The following CACNA1I variants were observed in gnomAD, a reference collection of about 807,000 sequenced individuals.
CACNA1I encodes the protein calcium voltage-gated channel subunit alpha1 I.
CACNA1I carries 74 observed loss-of-function variants against 201.6 expected under a neutral mutation model. The ratio of observed to expected loss-of-function variants is 0.37; its 90% CI spans 0.30 to 0.45. The LOEUF (loss-of-function observed/expected upper bound fraction) is 0.45. CACNA1I is among the 20% of genes least tolerant of loss of function. The pLI is 1.00. For missense variants in CACNA1I, 2,346 were observed against 3,138.1 expected (o/e 0.75, Z 6.03); for synonymous variants, 1,431 against 1,345.2 (o/e 1.06, Z -1.40).
intron 10 of CACNA1I, chr22:39,656,347 G>A (rs963148716): frequency 3.9e-6 from 2 of 511,330 alleles, no homozygotes; most frequent in Non-Finnish European, 7.8e-6. Flanking sequence ...CAGCCAGCTG[G>A]GTCCTCCACC....
intron 1 of CACNA1I, chr22:39,587,793 T>G (rs1365007848): frequency 2.3e-6 from 1 of 435,086 alleles, no homozygotes; most frequent in Non-Finnish European, 4.6e-6. Flanking sequence ...TATTATTTTT[T>G]GAGACAGAGT....
At chr22:39,671,740 C>T (rs1299562720) in intron 26 of CACNA1I, among the ~76,000 whole-genome samples, 1 of 152,148 alleles carries the variant, frequency 6.6e-6, no homozygotes, top group Admixed American at 6.5e-5. Context: ...AATAATTATA[C>T]AACTTCCAAA....
At chr22:39,623,742 G>A (rs1477420058) in intron 4 of CACNA1I, among the ~76,000 whole-genome samples, 1 of 149,830 alleles carries the variant, frequency 6.7e-6, no homozygotes, top group Non-Finnish European at 1.5e-5. Flanking sequence ...ATGCGTGCCT[G>A]TGAACATGCG....
chr22:39,672,046 C>T (rs4820386), intron 26 of CACNA1I, among the ~76,000 whole-genome samples, 153 bp from the exon 27 acceptor site: 79,777 of 152,016 alleles, frequency 0.52, 21,805 homozygotes, highest in East Asian at 0.96. Flanking sequence ...ATAGTACACA[C>T]TAAGATGGAA....
At chr22:39,630,015 A>G (rs1934012001) in intron 4 of CACNA1I, among the ~76,000 whole-genome samples, 1 of 151,942 alleles carries the variant, frequency 6.6e-6, no homozygotes, top group African/African-American at 2.4e-5. Context: ...ATCCCTGCTC[A>G]GCTTCCCCCC....
intron 3 of CACNA1I, among the ~76,000 whole-genome samples, chr22:39,606,938 A>G (rs1056224544): frequency 6.6e-6 from 1 of 152,182 alleles, no homozygotes; most frequent in Non-Finnish European, 1.5e-5. Context: ...GACGTTCTTT[A>G]TCTGTGTATC....
chr22:39,666,636 G>C lies in CACNA1I; in HGVS notation c.4104+630G>C, dbSNP rs1023879054. The stretch of plus-strand genomic sequence containing the variant: ...CTCCCCTTCCCTGCTCTCATTTCTC[G>C]AGGGCCTGCCCAGGAGGCCAGGTAT... On this transcript the variant is annotated intron_variant, in intron 23 of 36. Coordinates refer to ENST00000402142, the MANE Select transcript of CACNA1I (RefSeq NM_021096.4). This position sits in a 1 kb window ranked among gnomAD's most constrained non-coding sequence, Gnocchi z 4.1. Among the ~76,000 whole-genome samples the C allele has an allele frequency of 1.3e-4, 20 of 152,174 alleles. No individual in the cohort carries two copies. The highest frequency in any genetic ancestry group is 2.1e-4 in the South Asian group (1 of 4,834).
Position 39,661,322 on chromosome 22 carries a change from TG to T in CACNA1I, c.2901+16del. The T allele has an allele frequency of 6.5e-7, 1 of 1,539,352 alleles. No homozygotes were observed. Among genetic ancestry groups the T allele is most frequent in the Non-Finnish European group, 8.8e-7 (1 of 1,142,468 alleles). On this transcript the variant is annotated intron_variant, in intron 16 of 36. Coordinates refer to ENST00000402142, the MANE Select transcript of CACNA1I (RefSeq NM_021096.4). Reference sequence around the variant, plus strand: ...ACCAGCGCTCCCTGGTGAGTCCTTGTGGGGAGCTCTGGACGGGCGCTTCCTG... The same window carrying T: ...ACCAGCGCTCCCTGGTGAGTCCTTGTGGGAGCTCTGGACGGGCGCTTCCTG...
Position 39,686,159 on chromosome 22 carries a change from G to T in CACNA1I, c.6426G>T (p.Pro2142=). 1.6e-6 allele frequency: 2 copies of T among 1,238,428 alleles called. No homozygotes were observed. The highest frequency in any genetic ancestry group is 2.0e-6 in the Non-Finnish European group (2 of 990,534). The allele number at this position is 1,238,428 out of a possible 1,614,324, so 76.7% of individuals were successfully genotyped here. A position where few individuals can be genotyped will look rare whatever the true frequency, so the allele number is the denominator to read the frequency against. Residue 2142 remains proline (P), a synonymous_variant, in exon 37 of 37, where the codon CCG becomes CCT. Transcript: ENST00000402142. ...CCCTCTTCTGCCCGCCGCCCCCGCC[G>T]CCAGCCCCCGGCCTCACGCCCGCCA... The part of the protein sequence containing the change: ...LTSLFCPPPP[P]PAPGLTPARK...
chr22:39,668,838 G>C (rs981508702), intron 24 of CACNA1I, among the ~76,000 whole-genome samples: 1 of 152,202 alleles, frequency 6.6e-6, no homozygotes, highest in African/African-American at 2.4e-5. Flanking sequence ...AAGCCCCCGG[G>C]TGTGCCATGA....
At position 39,678,080 on chromosome 22, in the gene CACNA1I, C is replaced by T. The variant is rs1286793668; in HGVS notation, c.5027C>T (p.Thr1676Met). 1.9e-6 allele frequency: 3 copies of T among 1,611,126 alleles called. No individual in the cohort carries two copies. Among genetic ancestry groups the T allele is most frequent in the Non-Finnish European group, 1.7e-6 (2 of 1,178,840 alleles). ...TTCCTCACACTCTTCCAGGTCTCCA[C>T]GGGTGACAACTGGAACGGGATCATG... Reference protein sequence around the residue: ...MAFLTLFQVSTGDNWNGIMKD... With the variant: ...MAFLTLFQVSMGDNWNGIMKD... The change falls in exon 31 of 37, where the codon ACG (threonine) becomes ATG (methionine). Residue 1676 changes from threonine (T) to methionine (M), a missense_variant. This residue lies in a region of CACNA1I where 64 missense variants were observed against 131.8 expected (regional missense o/e 0.49). Transcript: ENST00000402142.
chr22:39,576,776 G>T (rs1333003864), intron 1 of CACNA1I, among the ~76,000 whole-genome samples: 1 of 152,144 alleles, frequency 6.6e-6, no homozygotes, highest in Non-Finnish European at 1.5e-5. Flanking sequence ...GCTGTCCAGG[G>T]CACCCATTTC....
chr22:39,663,888 C>G, intron 19 of CACNA1I, 47 bp downstream of exon 19: 1 of 1,609,450 alleles, frequency 6.2e-7, no homozygotes, highest in Non-Finnish European at 8.5e-7. Flanking sequence ...GGCCAAGGGA[C>G]AGCTCGCCAG....
In CACNA1I at chr22:39,668,353, G is replaced by A. The variant is rs758809392; in HGVS notation, c.4166G>A (p.Gly1389Glu). The A allele has an allele frequency of 6.2e-7, 1 of 1,613,386 alleles. No homozygotes were observed. The highest frequency in any genetic ancestry group is 1.3e-5 in the African/African-American group (1 of 75,008). The change falls in exon 24 of 37, where the codon GGA becomes GAA. Residue 1389 changes from glycine (G) to glutamate (E), a missense_variant. Transcript: ENST00000402142. ...GGTTGGGTGAACATCATGTACAATG[G>A]ACTGGATGCTGTTGCTGTGGACCAG... Reference protein sequence around the residue: ...KDGWVNIMYNGLDAVAVDQQP... With the variant: ...KDGWVNIMYNELDAVAVDQQP...
At chr22:39,583,139 T>TCCATCCATCCAG (rs745645267) in intron 1 of CACNA1I, among the ~76,000 whole-genome samples, 1,517 of 149,212 alleles carry the variant, frequency 0.01, 67 homozygotes, top group African/African-American at 0.035. Flanking sequence ...CATCTCTCCA[T>TCCATCCATCCAG]CCATCCATCC....
intron 1 of CACNA1I, among the ~76,000 whole-genome samples, chr22:39,589,824 C>T (rs577138728): frequency 3.3e-5 from 5 of 152,282 alleles, no homozygotes; most frequent in African/African-American, 7.2e-5. Context: ...CCTACCTCCC[C>T]GATCCAGGAG....
intron 4 of CACNA1I, among the ~76,000 whole-genome samples, chr22:39,628,587 C>G (rs1431822603): frequency 6.6e-6 from 1 of 152,072 alleles, no homozygotes; most frequent in African/African-American, 2.4e-5. Flanking sequence ...GCAGTGGGCA[C>G]CAAGGCCCTC....
chr22:39,662,702 GCGA>G, intron 17 of CACNA1I, 71 bp from the exon 18 acceptor site: 2 of 1,128,378 alleles, frequency 1.8e-6, no homozygotes, highest in South Asian at 2.7e-5. Flanking sequence ...CCCAGTTGGC[GCGA>G]TGGCCGCATG....
rs986229761 is a variant in CACNA1I, at chr22:39,661,901, G to A, written c.2902-64G>A. 11 of 1,153,668 alleles carry A rather than the reference G, an allele frequency of 9.5e-6. No individual in the cohort carries two copies. The African/African-American group carries it at 1.6e-4, about 17-fold the overall frequency. 71.5% of individuals were successfully genotyped at this position (1,153,668 alleles called of 1,614,324 possible). A position where few individuals can be genotyped will look rare whatever the true frequency, so the allele number is the denominator to read the frequency against. ...CAGCGGGGGTGCAGGCTGCCTTTGG[G>A]CACCTGGTGCCCCAGCCGTGGGTGT... On this transcript the variant is annotated intron_variant, in intron 16 of 36. Coordinates refer to ENST00000402142, the MANE Select transcript of CACNA1I (RefSeq NM_021096.4).
Sources: allele counts gnomAD v4.1 joint callset (sites outside exome capture counted in the v4.1 genomes callset), GRCh38; gene constraint gnomAD v4.1.1; regional missense constraint gnomAD v4.1.1; non-coding constraint Gnocchi (gnomAD v3.1); transcripts MANE v1.5; gene names NCBI Gene and HGNC (gene_info 2026-07-23, HGNC 2026-07-21).